Variants in SETX observed in about 807,000 individuals in gnomAD.
The protein encoded by SETX is senataxin, also known as helicase senataxin.
Under a neutral mutation model 227.2 loss-of-function variants are expected in SETX, and 90 were observed. The observed-to-expected ratio is 0.40, with a 90% CI of 0.33 to 0.47. SETX has a LOEUF of 0.47. SETX is among the 20% of genes least tolerant of loss of function. The pLI is 0.91. For missense variants in SETX, 3,052 were observed against 3,181.5 expected, an observed-to-expected ratio of 0.96 and a Z score of 0.98; for synonymous variants, 1,210 against 1,113.2, an observed-to-expected ratio of 1.09 and a Z score of -1.73.
chr9:132,309,842 G>T (rs746051616), intron 11 of SETX, among the ~76,000 whole-genome samples: 1 of 152,072 alleles, frequency 6.6e-6, no homozygotes, highest in Non-Finnish European at 1.5e-5. Context: ...GGCAAAGGAA[G>T]GCAAGAGAAT....
chr9:132,310,441 C>T (rs1411334631), intron 11 of SETX, among the ~76,000 whole-genome samples: 1 of 152,218 alleles, frequency 6.6e-6, no homozygotes, highest in Non-Finnish European at 1.5e-5. Context: ...CTAAGAGATA[C>T]ATGGGTGATC....
intron 10 of SETX, among the ~76,000 whole-genome samples, chr9:132,313,299 C>A (rs186429572): frequency 6.6e-6 from 1 of 152,128 alleles, no homozygotes; most frequent in East Asian, 1.9e-4. Flanking sequence ...AAAAATGGAT[C>A]ACTAAAATTT....
chr9:132,345,997 A>C (rs1231107326), intron 4 of SETX, among the ~76,000 whole-genome samples: 3 of 152,154 alleles, frequency 2.0e-5, no homozygotes, highest in Non-Finnish European at 4.4e-5. Flanking sequence ...TCGGCCTAGG[A>C]GACACAGCAA....
intron 11 of SETX, 149 bp from the exon 12 acceptor site, chr9:132,300,952 CCAAT>C: frequency 3.1e-6 from 2 of 637,786 alleles, no homozygotes; most frequent in Non-Finnish European, 5.0e-6. Context: ...GTAATCTAAT[CCAAT>C]CAAAAACTTC....
At chr9:132,332,889 G>A in intron 7 of SETX, among the ~76,000 whole-genome samples, 1 of 30,766 alleles carries the variant, frequency 3.3e-5, no homozygotes, top group Non-Finnish European at 9.6e-5. Flanking sequence ...CCACTCCAGG[G>A]TGGGTGATAG....
intron 5 of SETX, among the ~76,000 whole-genome samples, chr9:132,341,086 C>T (rs1847928682): frequency 6.6e-6 from 1 of 152,102 alleles, no homozygotes; most frequent in South Asian, 2.1e-4. Context: ...GTGGCTCACA[C>T]CTGTTATCTC....
intron 10 of SETX, among the ~76,000 whole-genome samples, chr9:132,319,005 T>C (rs1348750845): frequency 6.6e-6 from 1 of 152,230 alleles, no homozygotes; most frequent in Non-Finnish European, 1.5e-5. Flanking sequence ...CTACACTCCC[T>C]GGCTTCAGCA....
At chr9:132,272,489 G>C (rs1042092525) in intron 23 of SETX, among the ~76,000 whole-genome samples, 1 of 145,494 alleles carries the variant, frequency 6.9e-6, no homozygotes, top group Non-Finnish European at 1.5e-5. Context: ...AAAAAAAAGA[G>C]AGAGAGAGAG....
chr9:132,338,422 G>A (rs1847766495), intron 5 of SETX, among the ~76,000 whole-genome samples: 1 of 152,002 alleles, frequency 6.6e-6, no homozygotes, highest in Non-Finnish European at 1.5e-5. Flanking sequence ...GGCAGAGCAG[G>A]AATGACTGTA....
Position 132,295,966 on chromosome 9 carries a change from G to A in SETX, c.6012C>T (p.Leu2004=), listed in dbSNP as rs550784445. The part of the protein sequence containing the change: ...SNAKIKQNRV[L]VCAPSNAAVD... Reference sequence around the variant, plus strand: ...CAGCTGCATTGGAAGGTGCACACACGAGGACACGGTTTTGTTTGATTTTGG... The same window carrying A: ...CAGCTGCATTGGAAGGTGCACACACAAGGACACGGTTTTGTTTGATTTTGG... The change falls in exon 15 of 26, where the codon CTC becomes CTT. Residue 2004 remains leucine (L), a synonymous_variant. Transcript: ENST00000224140. The A allele has an allele frequency of 2.9e-5, 47 of 1,614,134 alleles. No homozygotes were observed. The East Asian group carries it at 7.6e-4, about 26-fold the overall frequency.
At chr9:132,283,118 A>G (rs1843635480) in intron 19 of SETX, 146 bp downstream of exon 19, 4 of 1,002,374 alleles carry the variant, frequency 4.0e-6, no homozygotes, top group Admixed American at 4.1e-5. Context: ...GTATATTTCT[A>G]CATAAGGGAA....
intron 5 of SETX, among the ~76,000 whole-genome samples, chr9:132,340,323 T>G (rs1479369037): frequency 2.6e-5 from 4 of 152,230 alleles, no homozygotes; most frequent in African/African-American, 9.6e-5. Flanking sequence ...TCTAGCATGT[T>G]TACTATAATA....
intron 13 of SETX, 46 bp from the exon 14 acceptor site, chr9:132,297,100 T>C: frequency 6.6e-7 from 1 of 1,514,442 alleles, no homozygotes; most frequent in Non-Finnish European, 9.0e-7. Context: ...GTTTCTGTAG[T>C]GGAATTTGAA....
Position 132,297,017 on chromosome 9 carries a change from T to G in SETX, c.5819A>C (p.Lys1940Thr). 6.2e-7 allele frequency: 1 copy of G among 1,613,964 alleles called. No homozygotes were observed. The highest frequency in any genetic ancestry group is 8.5e-7 in the Non-Finnish European group (1 of 1,179,900). ...CATAGCATATGCAGTTTCTATTGCTTTCTTTTGATCTTCATTGAAATCTCT... is the reference window on the plus strand; with the variant it reads ...CATAGCATATGCAGTTTCTATTGCTGTCTTTTGATCTTCATTGAAATCTCT... ...YLRDFNEDQK[K>T]AIETAYAMVK... Residue 1940 changes from lysine (K) to threonine (T), a missense_variant, in exon 14 of 26, where the codon AAA (lysine) becomes ACA (threonine). Coordinates refer to ENST00000224140, the MANE Select transcript of SETX (RefSeq NM_015046.7).
At chr9:132,286,584 G>A (rs761957266) in intron 17 of SETX, 90 bp from the exon 18 acceptor site, 36 of 887,236 alleles carry the variant, frequency 4.1e-5, no homozygotes, top group Non-Finnish European at 6.3e-5. Context: ...AAAAGAGCCT[G>A]TATTTCACCA....
chr9:132,345,975 C>T (rs773774410), intron 4 of SETX, among the ~76,000 whole-genome samples: 7 of 152,000 alleles, frequency 4.6e-5, no homozygotes, highest in African/African-American at 1.2e-4. Context: ...GCCATGACTG[C>T]GCCACTGCAC....
intron 10 of SETX, among the ~76,000 whole-genome samples, chr9:132,318,401 T>TC (rs1283213314): frequency 1.3e-5 from 2 of 152,186 alleles, no homozygotes; most frequent in African/African-American, 2.4e-5. Context: ...ATGCAGATGT[T>TC]CCCCTCTGAA....
At position 132,264,033 on chromosome 9, in the gene SETX, G is replaced by A. The variant is rs777769995; in HGVS notation, c.*206C>T. 67 of 635,734 alleles carry A rather than the reference G, an allele frequency of 1.1e-4. No homozygotes were observed. Among genetic ancestry groups the A allele is most frequent in the Middle Eastern group, 4.3e-4 (1 of 2,330 alleles). 39.4% of individuals were successfully genotyped at this position (635,734 alleles called of 1,614,324 possible). On this transcript the variant is annotated 3_prime_UTR_variant, in exon 26 of 26. Coordinates refer to ENST00000224140, the MANE Select transcript of SETX (RefSeq NM_015046.7). ...TCTCTGACTTCAAGGACATTATTAC[G>A]GATACACAATGCCCTCTGAAAGCTT... is the stretch of plus-strand genomic sequence containing the variant.
At chr9:132,314,706 A>C (rs1376993302) in intron 10 of SETX, among the ~76,000 whole-genome samples, 1 of 152,140 alleles carries the variant, frequency 6.6e-6, no homozygotes, top group Non-Finnish European at 1.5e-5. Context: ...AGAATAGATT[A>C]TTCTACAAAA....
Sources: gnomAD v4.1 joint callset for allele counts (sites outside exome capture counted in the v4.1 genomes callset) on GRCh38, gnomAD v4.1.1 for gene constraint, MANE v1.5 for transcripts, NCBI Gene and HGNC (gene_info 2026-07-23, HGNC 2026-07-21) for gene names.